Variants in CLDN34 observed in about 807,000 individuals in gnomAD.
CLDN34 encodes claudin-34.
For missense variants in CLDN34, 166 were observed against 171.5 expected (o/e 0.97, Z 0.18); for synonymous variants, 71 against 65.0 (o/e 1.09, Z -0.45).
chrX:9,968,111 G>C lies in CLDN34; in HGVS notation c.*109G>C, dbSNP rs2084913739. 1 of 778,635 alleles carries C rather than the reference G, an allele frequency of 1.3e-6. No individual in the cohort carries two copies. The highest frequency in any genetic ancestry group is 1.9e-6 in the Non-Finnish European group (1 of 530,593). 64.2% of individuals were successfully genotyped at this position (778,635 alleles called of 1,213,427 possible). ...CCAACGACTCAAGACCGTGGCATGGGTAGTTTGGGACAGAAGGTGGCCAAC... is the reference window on the plus strand; with the variant it reads ...CCAACGACTCAAGACCGTGGCATGGCTAGTTTGGGACAGAAGGTGGCCAAC... On this transcript the variant is annotated 3_prime_UTR_variant, in exon 1 of 1. Transcript: ENST00000445307.
chrX:9,968,017 T>C lies in CLDN34; in HGVS notation c.*15T>C. On this transcript the variant is annotated 3_prime_UTR_variant, in exon 1 of 1. Transcript: ENST00000445307. Reference sequence around the variant, plus strand: ...CAGAAATGTGAATTTCCTGGTTGCATTGGCTTTGCAAATCTAAGATTTCTG... The same window carrying C: ...CAGAAATGTGAATTTCCTGGTTGCACTGGCTTTGCAAATCTAAGATTTCTG... 1.7e-5 allele frequency: 19 copies of C among 1,146,668 alleles called. No individual in the cohort carries two copies. The highest frequency in any genetic ancestry group is 2.2e-5 in the Non-Finnish European group (19 of 864,461). The allele number at this position is 1,146,668 out of a possible 1,213,427, so 94.5% of individuals were successfully genotyped here.
rs2084912695 is a variant in CLDN34 at position 9,967,808 on chromosome X, G to A, written c.451G>A (p.Ala151Thr). The A allele has an allele frequency of 3.5e-6, 4 of 1,155,275 alleles. No homozygotes were observed. Among genetic ancestry groups the A allele is most frequent in the Admixed American group, 2.6e-5 (1 of 38,693 alleles). ...AATTGCTGTGCTCCAGAACTACGAT[G>A]CCGTCATAAACTCACAGGGGATCAC... ...NLIAVLQNYD[A>T]VINSQGITFL... The change falls in exon 1 of 1, where the codon GCC (alanine) becomes ACC (threonine). Residue 151 changes from alanine to threonine, a missense_variant. Transcript: ENST00000445307.
At position 9,968,134 on chromosome X, in the gene CLDN34, A is replaced by G; in HGVS notation, c.*132A>G. On this transcript the variant is annotated 3_prime_UTR_variant, in exon 1 of 1. Coordinates refer to ENST00000445307, the MANE Select transcript of CLDN34 (RefSeq NM_001195081.2). ...GGGTAGTTTGGGACAGAAGGTGGCCAACTGCCTCCTTCTGTTATCTTGTGT... is the reference window on the plus strand; with the variant it reads ...GGGTAGTTTGGGACAGAAGGTGGCCGACTGCCTCCTTCTGTTATCTTGTGT... 1 of 576,316 alleles carries G rather than the reference A, an allele frequency of 1.7e-6. No homozygotes were observed. Among genetic ancestry groups the G allele is most frequent in the Non-Finnish European group, 2.9e-6 (1 of 344,185 alleles). The allele number at this position is 576,316 out of a possible 1,213,427, so 47.5% of individuals were successfully genotyped here. A position where few individuals can be genotyped will look rare whatever the true frequency, so the allele number is the denominator to read the frequency against.
Position 9,968,170 on chromosome X carries a change from G to T in CLDN34, c.*168G>T. 2 of 517,657 alleles carry T rather than the reference G, an allele frequency of 3.9e-6. No homozygotes were observed. Among genetic ancestry groups the T allele is most frequent in the South Asian group, 5.1e-5 (2 of 39,467 alleles). The allele number at this position is 517,657 out of a possible 1,213,427, so 42.7% of individuals were successfully genotyped here. On this transcript the variant is annotated 3_prime_UTR_variant, in exon 1 of 1. Coordinates refer to ENST00000445307, the MANE Select transcript of CLDN34 (RefSeq NM_001195081.2). ...TCTGTTATCTTGTGTATCTGAATGT[G>T]GCTCACTGATTTGTTGGTTGAATTG...
Position 9,967,566 on chromosome X carries a change from A to C in CLDN34, c.209A>C (p.Lys70Thr), listed in dbSNP as rs1273145281. The change falls in exon 1 of 1, where the codon AAA becomes ACA. Residue 70 changes from lysine to threonine, a missense_variant. Lys to Thr is a moderately conservative substitution (Grantham distance 78, BLOSUM62 -1). Transcript: ENST00000445307. ...CGTCGCACCAACAGCACCACAACCA[A>C]ATTTTGTTACCGATACAGCTACCAG... ...YRRRTNSTTT[K>T]FCYRYSYQDT... The C allele has an allele frequency of 8.7e-7, 1 of 1,153,824 alleles. No individual in the cohort carries two copies. Among genetic ancestry groups the C allele is most frequent in the African/African-American group, 1.8e-5 (1 of 55,575 alleles).
In CLDN34 at chrX:9,967,999, G is replaced by A. The variant is rs750878783; in HGVS notation, c.642G>A (p.Met214Ile). The A allele has an allele frequency of 3.5e-4, 399 of 1,152,340 alleles. 1 individual carries two copies. The highest frequency in any genetic ancestry group is 4.2e-4 in the Non-Finnish European group (368 of 870,925). The allele number at this position is 1,152,340 out of a possible 1,213,427, so 95.0% of individuals were successfully genotyped here. Residue 214 changes from methionine to isoleucine, a missense_variant, in exon 1 of 1, where the codon ATG (methionine) becomes ATA (isoleucine). Coordinates refer to ENST00000445307, the MANE Select transcript of CLDN34 (RefSeq NM_001195081.2). ...AAGTGCATCCTGGTATTTCAGAAAT[G>A]TGAATTTCCTGGTTGCATTGGCTTT... ...YGQVHPGISEM is the reference protein window; with the variant it reads ...YGQVHPGISEI
In CLDN34 at chrX:9,967,537, C is replaced by T. The variant is rs1308822536; in HGVS notation, c.180C>T (p.Tyr60=). The T allele has an allele frequency of 8.7e-7, 1 of 1,155,650 alleles. No individual in the cohort carries two copies. Among genetic ancestry groups the T allele is most frequent in the Non-Finnish European group, 1.1e-6 (1 of 872,763 alleles). ...ACVGIFRVCI[Y]RRRTNSTTTK... is the part of the protein sequence containing the mutation. ...TGGGAATATTTAGAGTCTGCATTTA[C>T]CGGCGTCGCACCAACAGCACCACAA... Residue 60 remains tyrosine, a synonymous_variant, in exon 1 of 1, where the codon TAC becomes TAT. Coordinates refer to ENST00000445307, the MANE Select transcript of CLDN34 (RefSeq NM_001195081.2).
In CLDN34 at chrX:9,967,403, G is replaced by A; in HGVS notation, c.46G>A (p.Ala16Thr). 8.7e-7 allele frequency: 1 copy of A among 1,154,811 alleles called. No homozygotes were observed. Residue 16 changes from alanine to threonine, a missense_variant, in exon 1 of 1, where the codon GCC becomes ACC. Ala to Thr is a moderately conservative substitution (Grantham distance 58). Transcript: ENST00000445307. ...TGCCGACTGCCAATTTTCAGTCTTC[G>A]CCCTTACCACCATAGGATGGATCCT... ...NSADCQFSVFALTTIGWILSS... is the reference protein window; with the variant it reads ...NSADCQFSVFTLTTIGWILSS...
In CLDN34 at chrX:9,967,486, G is replaced by T. The variant is rs5934730; in HGVS notation, c.129G>T (p.Ser43=). ...EWRIWYMKDT[S]LYPPGIACVG... ...GAATATGGTACATGAAAGACACCTCGCTCTACCCCCCTGGAATCGCCTGCG... is the reference window on the plus strand; with the variant it reads ...GAATATGGTACATGAAAGACACCTCTCTCTACCCCCCTGGAATCGCCTGCG... The change falls in exon 1 of 1, where the codon TCG becomes TCT. Residue 43 remains serine (S), a synonymous_variant. Transcript: ENST00000445307. The T allele has an allele frequency of 0.45, 519,756 of 1,151,903 alleles. 78,783 individuals are homozygous for T. The highest frequency in any genetic ancestry group is 0.58 in the South Asian group (30,494 of 52,413). The allele number at this position is 1,151,903 out of a possible 1,213,427, so 94.9% of individuals were successfully genotyped here. A position where few individuals can be genotyped will look rare whatever the true frequency, so the allele number is the denominator to read the frequency against.
chrX:9,968,180 T>A lies in CLDN34; in HGVS notation c.*178T>A, dbSNP rs901726890. ...TGTGTATCTGAATGTGGCTCACTGATTTGTTGGTTGAATTGAGAACTTTTA... is the reference window on the plus strand; with the variant it reads ...TGTGTATCTGAATGTGGCTCACTGAATTGTTGGTTGAATTGAGAACTTTTA... On this transcript the variant is annotated 3_prime_UTR_variant, in exon 1 of 1. Transcript: ENST00000445307. The A allele has an allele frequency of 1.0e-4, 52 of 508,161 alleles. No individual in the cohort carries two copies. In the Admixed American group the frequency reaches 1.4e-3, roughly 14 times the overall value. 41.9% of individuals were successfully genotyped at this position (508,161 alleles called of 1,213,427 possible).
Position 9,967,941 on chromosome X carries a change from T to C in CLDN34, c.584T>C (p.Phe195Ser). The part of the protein sequence containing the change: ...GVLPMLLTGM[F>S]SLFYKCPPYG... ...TTGCCGATGCTGTTAACTGGGATGT[T>C]TTCTCTGTTTTACAAATGTCCCCCG... is the stretch of plus-strand genomic sequence containing the variant. Residue 195 changes from phenylalanine to serine, a missense_variant, in exon 1 of 1, where the codon TTT (phenylalanine) becomes TCT (serine). Transcript: ENST00000445307. 8.7e-7 allele frequency: 1 copy of C among 1,154,535 alleles called. No homozygotes were observed. Among genetic ancestry groups the C allele is most frequent in the Non-Finnish European group, 1.1e-6 (1 of 871,624 alleles).
chrX:9,967,893 T>C lies in CLDN34; in HGVS notation c.536T>C (p.Ile179Thr). The C allele has an allele frequency of 8.7e-7, 1 of 1,155,049 alleles. No homozygotes were observed. Among genetic ancestry groups the C allele is most frequent in the Non-Finnish European group, 1.1e-6 (1 of 872,108 alleles). ...GATGTGCAGGAAGTTGGCACTGCCATTCAAGTGGCAGGGATAGGTGTCTTG... is the reference window on the plus strand; with the variant it reads ...GATGTGCAGGAAGTTGGCACTGCCACTCAAGTGGCAGGGATAGGTGTCTTG... ...KPDVQEVGTA[I>T]QVAGIGVLPM... The change falls in exon 1 of 1, where the codon ATT becomes ACT. Residue 179 changes from isoleucine (I) to threonine (T), a missense_variant. Transcript: ENST00000445307.
At position 9,967,616 on chromosome X, in the gene CLDN34, T is replaced by C; in HGVS notation, c.259T>C (p.Ser87Pro). 1 of 1,156,381 alleles carries C rather than the reference T, an allele frequency of 8.6e-7. No homozygotes were observed. The highest frequency in any genetic ancestry group is 3.2e-5 in the East Asian group (1 of 30,778). The change falls in exon 1 of 1, where the codon TCC becomes CCC. Residue 87 changes from serine to proline, a missense_variant. Ser to Pro is a moderately conservative substitution (Grantham distance 74). Transcript: ENST00000445307. ...YQDTFLPFEI[S>P]MAQRFLLTAS... The stretch of plus-strand genomic sequence containing the variant: ...GGACACCTTTCTCCCTTTTGAAATT[T>C]CCATGGCTCAACGCTTCCTACTGAC...
In CLDN34 at chrX:9,967,483, C is replaced by G. The variant is rs145798132; in HGVS notation, c.126C>G (p.Thr42=). The change falls in exon 1 of 1, where the codon ACC becomes ACG. Residue 42 remains threonine, a synonymous_variant. Transcript: ENST00000445307. ...GGCGAATATGGTACATGAAAGACAC[C>G]TCGCTCTACCCCCCTGGAATCGCCT... The part of the protein sequence containing the change: ...VEWRIWYMKD[T]SLYPPGIACV... The G allele has an allele frequency of 5.0e-3, 5,743 of 1,153,244 alleles. 211 individuals are homozygous for G. The African/African-American group carries it at 0.092, about 18-fold the overall frequency.
Position 9,967,663 on chromosome X carries a change from C to T in CLDN34, c.306C>T (p.Phe102=), listed in dbSNP as rs780637240. ...TGACTGCCAGCATTTTCGGATTCTTCGGGAGAGCCTTTAACATGTTTGCAC... is the reference window on the plus strand; with the variant it reads ...TGACTGCCAGCATTTTCGGATTCTTTGGGAGAGCCTTTAACATGTTTGCAC... The part of the protein sequence containing the change: ...FLLTASIFGF[F]GRAFNMFALR... Residue 102 remains phenylalanine (F), a synonymous_variant, in exon 1 of 1, where the codon TTC becomes TTT. Coordinates refer to ENST00000445307, the MANE Select transcript of CLDN34 (RefSeq NM_001195081.2). The T allele has an allele frequency of 4.3e-6, 5 of 1,153,984 alleles. No individual in the cohort carries two copies. Among genetic ancestry groups the T allele is most frequent in the East Asian group, 3.3e-5 (1 of 30,695 alleles).
Position 9,968,153 on chromosome X carries a change from C to T in CLDN34, c.*151C>T. The T allele has an allele frequency of 1.9e-6, 1 of 534,968 alleles. No homozygotes were observed. The highest frequency in any genetic ancestry group is 3.3e-6 in the Non-Finnish European group (1 of 307,072). 44.1% of individuals were successfully genotyped at this position (534,968 alleles called of 1,213,427 possible). A position where few individuals can be genotyped will look rare whatever the true frequency, so the allele number is the denominator to read the frequency against. ...GTGGCCAACTGCCTCCTTCTGTTATCTTGTGTATCTGAATGTGGCTCACTG... is the reference window on the plus strand; with the variant it reads ...GTGGCCAACTGCCTCCTTCTGTTATTTTGTGTATCTGAATGTGGCTCACTG... On this transcript the variant is annotated 3_prime_UTR_variant, in exon 1 of 1. Transcript: ENST00000445307.
rs767724408 is a variant in CLDN34 at position 9,967,810 on chromosome X, C to T, written c.453C>T (p.Ala151=). 214 of 1,153,220 alleles carry T rather than the reference C, an allele frequency of 1.9e-4. No homozygotes were observed. In the African/African-American group the frequency reaches 3.6e-3, roughly 20 times the overall value. The change falls in exon 1 of 1, where the codon GCC becomes GCT. Residue 151 remains alanine, a synonymous_variant. Transcript: ENST00000445307. ...TTGCTGTGCTCCAGAACTACGATGC[C>T]GTCATAAACTCACAGGGGATCACCT... ...NLIAVLQNYD[A]VINSQGITFL...
In CLDN34 at chrX:9,967,581, A is replaced by C. The variant is rs768507427; in HGVS notation, c.224A>C (p.Tyr75Ser). 8.7e-7 allele frequency: 1 copy of C among 1,155,801 alleles called. No individual in the cohort carries two copies. Among genetic ancestry groups the C allele is most frequent in the South Asian group, 1.9e-5 (1 of 52,707 alleles). The change falls in exon 1 of 1, where the codon TAC becomes TCC. Residue 75 changes from tyrosine (Y) to serine (S), a missense_variant. Physicochemically the swap from Tyr to Ser is moderately radical, Grantham distance 144 (BLOSUM62 -2). Coordinates refer to ENST00000445307, the MANE Select transcript of CLDN34 (RefSeq NM_001195081.2). ...ACCACAACCAAATTTTGTTACCGAT[A>C]CAGCTACCAGGACACCTTTCTCCCT... ...NSTTTKFCYR[Y>S]SYQDTFLPFE...
chrX:9,967,438 G>A lies in CLDN34; in HGVS notation c.81G>A (p.Thr27=), dbSNP rs1035174605. The change falls in exon 1 of 1, where the codon ACG becomes ACA. Residue 27 remains threonine (T), a synonymous_variant. Coordinates refer to ENST00000445307, the MANE Select transcript of CLDN34 (RefSeq NM_001195081.2). ...CCATAGGATGGATCCTCTCCTCTACGTCCACGGGCCTCGTGGAGTGGCGAA... is the reference window on the plus strand; with the variant it reads ...CCATAGGATGGATCCTCTCCTCTACATCCACGGGCCTCGTGGAGTGGCGAA... ...LTTIGWILSS[T]STGLVEWRIW... 33 of 1,152,044 alleles carry A rather than the reference G, an allele frequency of 2.9e-5. No homozygotes were observed. The highest frequency in any genetic ancestry group is 3.6e-5 in the Non-Finnish European group (31 of 871,198). The allele number at this position is 1,152,044 out of a possible 1,213,427, so 94.9% of individuals were successfully genotyped here.
Sources: allele counts gnomAD v4.1 joint callset, GRCh38; gene constraint gnomAD v4.1.1; transcripts MANE v1.5; gene names NCBI Gene and HGNC (gene_info 2026-07-23, HGNC 2026-07-21).